Variants in EHBP1 observed in about 807,000 individuals in gnomAD.
EHBP1 encodes EH domain binding protein 1.
Under a neutral mutation model 144.0 loss-of-function variants are expected in EHBP1, and 55 were observed. That is an observed-to-expected ratio of 0.38 (90% CI 0.31 to 0.48). The LOEUF (loss-of-function observed/expected upper bound fraction) is 0.48. EHBP1 is among the 20% of genes least tolerant of loss of function. The pLI is 0.98. For missense variants in EHBP1, 1,200 were observed against 1,364.2 expected (o/e 0.88, Z 1.90); for synonymous variants, 469 against 472.7 (o/e 0.99, Z 0.10).
intron 10 of EHBP1, among the ~76,000 whole-genome samples, chr2:62,894,579 A>G (rs540601226): frequency 3.3e-5 from 5 of 152,322 alleles, no homozygotes; most frequent in Admixed American, 1.3e-4. Flanking sequence ...TCAAGAGACC[A>G]TGAGCACTAC....
chr2:62,715,070 C>T (rs182314984), intron 2 of EHBP1, among the ~76,000 whole-genome samples: 74 of 152,186 alleles, frequency 4.9e-4, no homozygotes, highest in African/African-American at 1.7e-3. Context: ...TCTGTGTGTT[C>T]GTATGTGTCC....
intron 3 of EHBP1, among the ~76,000 whole-genome samples, chr2:62,759,308 TC>T (rs1425200918): frequency 6.6e-6 from 1 of 152,220 alleles, no homozygotes; most frequent in Non-Finnish European, 1.5e-5. Context: ...GTATGTGTGT[TC>T]CTGTGCCTAC....
chr2:63,013,718 T>A (rs2060366155), intron 19 of EHBP1, among the ~76,000 whole-genome samples: 1 of 152,168 alleles, frequency 6.6e-6, no homozygotes, highest in African/African-American at 2.4e-5. Flanking sequence ...GACAACTAAA[T>A]GAGAATTTCG....
chr2:62,916,017 T>C (rs1256122743), intron 10 of EHBP1, among the ~76,000 whole-genome samples: 3 of 152,112 alleles, frequency 2.0e-5, no homozygotes, highest in Non-Finnish European at 2.9e-5. Context: ...GATGAAAGCA[T>C]TACAGCATTA....
chr2:62,939,122 AT>A (rs2153063780), intron 10 of EHBP1, among the ~76,000 whole-genome samples: 1 of 152,320 alleles, frequency 6.6e-6, no homozygotes, highest in East Asian at 1.9e-4. Flanking sequence ...TGGACATTTT[AT>A]TTAGTGAGAG....
chr2:62,693,783 T>C (rs2033989867), intron 1 of EHBP1, among the ~76,000 whole-genome samples: 1 of 152,186 alleles, frequency 6.6e-6, no homozygotes, highest in African/African-American at 2.4e-5. Context: ...CCGACTACAC[T>C]TCCCAACCTT....
chr2:62,675,409 A>C (rs1331430729), intron 1 of EHBP1, among the ~76,000 whole-genome samples: 1 of 152,202 alleles, frequency 6.6e-6, no homozygotes, highest in East Asian at 1.9e-4. Context: ...GAGGTACTCT[A>C]GAAAGTCCTA....
intron 9 of EHBP1, among the ~76,000 whole-genome samples, chr2:62,867,004 C>G (rs1261222516): frequency 6.6e-6 from 1 of 151,978 alleles, no homozygotes; most frequent in Non-Finnish European, 1.5e-5. Context: ...CAACAAAAAC[C>G]TGTCAACATA....
chr2:62,854,787 G>A (rs1049292384), intron 7 of EHBP1, among the ~76,000 whole-genome samples: 2 of 152,210 alleles, frequency 1.3e-5, no homozygotes, highest in Non-Finnish European at 2.9e-5. Context: ...GGTGGCTGTC[G>A]TCATGCCTGC....
intron 1 of EHBP1, among the ~76,000 whole-genome samples, chr2:62,681,209 G>C (rs1308374165): frequency 6.6e-6 from 1 of 150,660 alleles, no homozygotes; most frequent in African/African-American, 2.4e-5. Context: ...GCTACTCGGA[G>C]GCAGGAGAAT....
intron 19 of EHBP1, among the ~76,000 whole-genome samples, chr2:63,023,940 T>C (rs1482990919): frequency 1.3e-5 from 2 of 152,216 alleles, no homozygotes; most frequent in African/African-American, 4.8e-5. Flanking sequence ...TTCTAGAGAA[T>C]TGAATTTTTA....
At chr2:63,001,759 T>C (rs1304731372) in intron 19 of EHBP1, among the ~76,000 whole-genome samples, 1 of 152,158 alleles carries the variant, frequency 6.6e-6, no homozygotes, top group Admixed American at 6.6e-5. Flanking sequence ...GAGCAGGAGT[T>C]AGACCCAGTC....
At chr2:62,699,201 C>T (rs2034200162) in intron 1 of EHBP1, among the ~76,000 whole-genome samples, 2 of 152,178 alleles carry the variant, frequency 1.3e-5, no homozygotes, top group South Asian at 4.1e-4. Flanking sequence ...GAGGAAAACA[C>T]TGGCTGGATG....
At chr2:62,892,513 C>G (rs1558867903) in intron 10 of EHBP1, among the ~76,000 whole-genome samples, 1 of 152,004 alleles carries the variant, frequency 6.6e-6, no homozygotes, top group Non-Finnish European at 1.5e-5. Flanking sequence ...CTTTAATGAA[C>G]TAAATATATA....
At chr2:62,907,420 C>G (rs2053890226) in intron 10 of EHBP1, among the ~76,000 whole-genome samples, 2 of 152,188 alleles carry the variant, frequency 1.3e-5, no homozygotes, top group Admixed American at 1.3e-4. Context: ...TCATCTTAGG[C>G]TGCTATAACA....
intron 5 of EHBP1, among the ~76,000 whole-genome samples, chr2:62,809,292 G>GAAA (rs985494969): frequency 7.7e-4 from 36 of 46,504 alleles, no homozygotes; most frequent in South Asian, 4.3e-3. Flanking sequence ...CTATGTCTCA[G>GAAA]AAAAAAAAAA....
intron 7 of EHBP1, among the ~76,000 whole-genome samples, chr2:62,855,095 G>A (rs902341178): frequency 6.6e-6 from 1 of 152,222 alleles, no homozygotes; most frequent in African/African-American, 2.4e-5. Flanking sequence ...AACGGCGGCT[G>A]CAGACCCAGA....
At chr2:62,717,472 G>C (rs1214571247) in intron 2 of EHBP1, among the ~76,000 whole-genome samples, 3 of 152,132 alleles carry the variant, frequency 2.0e-5, no homozygotes, top group African/African-American at 7.2e-5. Flanking sequence ...TTCTACATTA[G>C]GACTTTTGCA....
chr2:62,687,655 T>C (rs967607344), intron 1 of EHBP1, among the ~76,000 whole-genome samples: 2 of 152,222 alleles, frequency 1.3e-5, no homozygotes, highest in Non-Finnish European at 2.9e-5. Context: ...TTTTTGTGGA[T>C]TGATGTGCCA....
Sources: gnomAD v4.1 joint callset for allele counts (sites outside exome capture counted in the v4.1 genomes callset) on GRCh38, gnomAD v4.1.1 for gene constraint, MANE v1.5 for transcripts, NCBI Gene and HGNC (gene_info 2026-07-23, HGNC 2026-07-21) for gene names.